UNC5C: variants seen among roughly 807,000 people sequenced by gnomAD.
The protein encoded by UNC5C is netrin receptor UNC5C.
UNC5C carries 47 observed loss-of-function variants against 99.8 expected under a neutral mutation model. The observed-to-expected ratio is 0.47, with a 90% confidence interval of 0.37 to 0.60. UNC5C has a LOEUF of 0.60. UNC5C is among the 20% of genes least tolerant of loss of function. UNC5C has a pLI of 0.00. For synonymous variants in UNC5C, 487 were observed against 452.2 expected (o/e 1.08, Z -0.98); for missense variants, 1,062 against 1,165.9 (o/e 0.91, Z 1.30).
chr4:95,500,799 C>A (rs1019294701), intron 1 of UNC5C, among the ~76,000 whole-genome samples: 1 of 152,094 alleles, frequency 6.6e-6, no homozygotes, highest in Non-Finnish European at 1.5e-5. Context: ...TGCTAGAGAG[C>A]AATTTTCATT....
At position 95,337,304 on chromosome 4, in the gene UNC5C, G is replaced by A. The variant is rs181401201; in HGVS notation, c.125-1673C>T. ...ATAACTATTTATTTAAGCATGCAAA[G>A]TATAATAAATCTTTCAGCCATTGTT... On this transcript the variant is annotated intron_variant, in intron 1 of 15. Transcript: ENST00000453304. Among the ~76,000 whole-genome samples, 563 of 152,002 alleles carry A rather than the reference G, an allele frequency of 3.7e-3. 3 individuals are homozygous for A. Among genetic ancestry groups the A allele is most frequent in the Middle Eastern group, 6.8e-3 (2 of 294 alleles).
At chr4:95,335,124 C>G (rs1167273111) in intron 2 of UNC5C, among the ~76,000 whole-genome samples, 1 of 151,952 alleles carries the variant, frequency 6.6e-6, no homozygotes, top group Non-Finnish European at 1.5e-5. Context: ...TTTGCTTGGG[C>G]ATTTAACATT....
At chr4:95,295,290 TGA>T (rs1741634256) in intron 3 of UNC5C, among the ~76,000 whole-genome samples, 1 of 152,320 alleles carries the variant, frequency 6.6e-6, no homozygotes, top group East Asian at 1.9e-4. Context: ...AGTGGCAACT[TGA>T]ATTCTCTCAG....
At chr4:95,176,443 G>A (rs1236473786) in intron 14 of UNC5C, among the ~76,000 whole-genome samples, 1 of 152,036 alleles carries the variant, frequency 6.6e-6, no homozygotes, top group Non-Finnish European at 1.5e-5. Flanking sequence ...CTTTCTGTTT[G>A]TTAGTTTTCC....
At chr4:95,313,902 T>C (rs910956192) in intron 2 of UNC5C, among the ~76,000 whole-genome samples, 2 of 152,242 alleles carry the variant, frequency 1.3e-5, no homozygotes, top group South Asian at 4.1e-4. Flanking sequence ...ACGTATTGGC[T>C]GACTTTTGGC....
intron 1 of UNC5C, among the ~76,000 whole-genome samples, chr4:95,428,850 A>G (rs1036476775): frequency 1.4e-4 from 21 of 152,202 alleles, no homozygotes; most frequent in Non-Finnish European, 7.4e-5. Context: ...CTATTTTCCC[A>G]CAAAGCTGCT....
At chr4:95,315,618 A>C (rs367851545) in intron 2 of UNC5C, among the ~76,000 whole-genome samples, 3 of 152,294 alleles carry the variant, frequency 2.0e-5, no homozygotes, top group African/African-American at 4.8e-5. Flanking sequence ...TTTGTGGATA[A>C]ACAATTTCCA....
At position 95,445,172 on chromosome 4, in the gene UNC5C, A is replaced by C. The variant is rs28504039; in HGVS notation, c.124+103562T>G. On this transcript the variant is annotated intron_variant, in intron 1 of 15. Transcript: ENST00000453304. ...TAGAGACAATTCATATAACAAATAT[A>C]TATCAATTTTCAGGGGATGATTTGT... Among the ~76,000 whole-genome samples the C allele has an allele frequency of 4.8e-3, 731 of 152,058 alleles. 4 individuals carry two copies. Among genetic ancestry groups the C allele is most frequent in the African/African-American group, 0.016 (676 of 41,440 alleles).
chr4:95,204,685 C>T (rs778446330), intron 11 of UNC5C, among the ~76,000 whole-genome samples: 1 of 152,254 alleles, frequency 6.6e-6, no homozygotes, highest in Non-Finnish European at 1.5e-5. Context: ...GTCAGTCTCT[C>T]TGCAGGGGCA....
chr4:95,318,896 G>A (rs1009461487), intron 2 of UNC5C, among the ~76,000 whole-genome samples: 16 of 152,178 alleles, frequency 1.1e-4, no homozygotes, highest in African/African-American at 2.7e-4. Flanking sequence ...CTACCAAGGG[G>A]TTTCATGAAT....
At chr4:95,464,790 T>G (rs757450004) in intron 1 of UNC5C, among the ~76,000 whole-genome samples, 1 of 152,186 alleles carries the variant, frequency 6.6e-6, no homozygotes, top group African/African-American at 2.4e-5. Context: ...TGAGGGTGTA[T>G]TCCCACCTAT....
intron 14 of UNC5C, among the ~76,000 whole-genome samples, chr4:95,180,005 A>ACCCC (rs11372697): frequency 4.6e-5 from 7 of 150,638 alleles, no homozygotes; most frequent in Admixed American, 2.0e-4. Flanking sequence ...TTGATGACAG[A>ACCCC]CCCCCCCCAC....
chr4:95,301,919 A>C (rs1741897329), intron 2 of UNC5C, among the ~76,000 whole-genome samples, 170 bp from the exon 3 acceptor site: 1 of 152,180 alleles, frequency 6.6e-6, no homozygotes, highest in African/African-American at 2.4e-5. Context: ...TATTTTACTC[A>C]ACAACTTTTT....
At chr4:95,248,442 G>C in intron 5 of UNC5C, 3 of 413,298 alleles carry the variant, frequency 7.3e-6, no homozygotes, top group South Asian at 5.3e-5. Flanking sequence ...TAATAAGATC[G>C]ATACAGAATT....
At chr4:95,351,916 C>A (rs1744006368) in intron 1 of UNC5C, among the ~76,000 whole-genome samples, 1 of 152,076 alleles carries the variant, frequency 6.6e-6, no homozygotes, top group African/African-American at 2.4e-5. Flanking sequence ...TCTCCTTTTG[C>A]AAACTTCCTC....
At chr4:95,533,179 C>T (rs943432534) in intron 1 of UNC5C, among the ~76,000 whole-genome samples, 4 of 151,960 alleles carry the variant, frequency 2.6e-5, no homozygotes, top group African/African-American at 9.7e-5. Flanking sequence ...GGGTGGATCA[C>T]GAGATCAGCA....
At chr4:95,196,617 A>G (rs1207156642) in intron 12 of UNC5C, among the ~76,000 whole-genome samples, 1 of 150,512 alleles carries the variant, frequency 6.6e-6, no homozygotes, top group Non-Finnish European at 1.5e-5. Flanking sequence ...GAAAATTGTT[A>G]CAAAAGCTGC....
intron 1 of UNC5C, among the ~76,000 whole-genome samples, chr4:95,373,129 T>A (rs778743008): frequency 6.6e-6 from 1 of 152,186 alleles, no homozygotes; most frequent in Non-Finnish European, 1.5e-5. Context: ...AATGGCCTCC[T>A]TGCAGGTTTC....
At chr4:95,491,565 G>T (rs116039893) in intron 1 of UNC5C, among the ~76,000 whole-genome samples, 2,577 of 151,690 alleles carry the variant, frequency 0.017, 67 homozygotes, top group African/African-American at 0.059. Flanking sequence ...ACAAGGAACA[G>T]ATATCCAAAT....
Sources: gnomAD v4.1 joint callset for allele counts (sites outside exome capture counted in the v4.1 genomes callset) on GRCh38, gnomAD v4.1.1 for gene constraint, MANE v1.5 for transcripts, NCBI Gene and HGNC (gene_info 2026-07-23, HGNC 2026-07-21) for gene names.